PTK2: variants seen among roughly 807,000 people sequenced by gnomAD.
The protein encoded by PTK2 is focal adhesion kinase 1.
In PTK2, 45 loss-of-function variants were observed where a neutral mutation model predicts 150.1. That is an observed-to-expected ratio of 0.30 (90% CI 0.24 to 0.38). The LOEUF (loss-of-function observed/expected upper bound fraction) is 0.38. Ranked by LOEUF, PTK2 falls within the 10% of genes least tolerant of loss-of-function variation. The pLI, the probability that PTK2 is intolerant of heterozygous loss-of-function variation, is 1.00. For synonymous variants in PTK2, 432 were observed against 449.2 expected (o/e 0.96, Z 0.48); for missense variants, 919 against 1,307.3 (o/e 0.70, Z 4.58).
intron 5 of PTK2, among the ~76,000 whole-genome samples, chr8:140,863,631 C>G (rs1223594277): frequency 6.6e-6 from 1 of 152,178 alleles, no homozygotes; most frequent in African/African-American, 2.4e-5. Context: ...CATCTCAATA[C>G]CAAATCTATA....
chr8:140,701,433 ATTTT>A, intron 25 of PTK2, among the ~76,000 whole-genome samples: 1 of 152,086 alleles, frequency 6.6e-6, no homozygotes, highest in East Asian at 1.9e-4. Context: ...CAAATAAGTA[ATTTT>A]TTGTCTTTTT....
intron 10 of PTK2, among the ~76,000 whole-genome samples, chr8:140,812,621 C>A (rs1472434199): frequency 6.6e-6 from 1 of 152,190 alleles, no homozygotes. Context: ...CATTGGTATG[C>A]TGTCTTCAAA....
At chr8:140,802,462 T>C (rs1429315711) in intron 11 of PTK2, among the ~76,000 whole-genome samples, 1 of 152,200 alleles carries the variant, frequency 6.6e-6, no homozygotes, top group Admixed American at 6.5e-5. Flanking sequence ...AAAATCAGTT[T>C]ATAAAATATA....
intron 5 of PTK2, among the ~76,000 whole-genome samples, chr8:140,854,865 G>A (rs2100131566): frequency 6.6e-6 from 1 of 152,098 alleles, no homozygotes; most frequent in Non-Finnish European, 1.5e-5. Flanking sequence ...TAAAATTAGG[G>A]GAGTTTATTG....
At chr8:140,789,334 A>C in intron 14 of PTK2, 140 bp downstream of exon 14, 1 of 778,416 alleles carries the variant, frequency 1.3e-6, no homozygotes, top group Non-Finnish European at 1.9e-6. Flanking sequence ...AATGATGGTA[A>C]AATTATGCAA....
intron 10 of PTK2, among the ~76,000 whole-genome samples, chr8:140,813,169 C>A (rs1372196718): frequency 1.3e-5 from 2 of 152,162 alleles, no homozygotes; most frequent in African/African-American, 4.8e-5. Flanking sequence ...GAACTGAAAT[C>A]ATAATAACCA....
intron 1 of PTK2, among the ~76,000 whole-genome samples, chr8:140,949,722 G>C (rs989010002): frequency 2.0e-5 from 3 of 152,218 alleles, no homozygotes; most frequent in South Asian, 2.1e-4. Context: ...ACCTCGTCAT[G>C]AACAGCCTAG....
At chr8:140,743,681 A>T (rs537080002) in intron 19 of PTK2, among the ~76,000 whole-genome samples, 1 of 152,292 alleles carries the variant, frequency 6.6e-6, no homozygotes, top group South Asian at 2.1e-4. Flanking sequence ...TAACACTGCC[A>T]TTACTAAAGA....
chr8:140,675,048 A>G (rs1231627095), intron 28 of PTK2, among the ~76,000 whole-genome samples: 1 of 144,864 alleles, frequency 6.9e-6, no homozygotes, highest in Non-Finnish European at 1.5e-5. Context: ...CCTGGGTGAC[A>G]GAGTGAGACT....
intron 5 of PTK2, among the ~76,000 whole-genome samples, chr8:140,855,334 G>A (rs985470067): frequency 5.3e-5 from 8 of 152,064 alleles, no homozygotes; most frequent in African/African-American, 1.2e-4. Context: ...GGTGGCTCAC[G>A]TCAGTAATCC....
intron 21 of PTK2, among the ~76,000 whole-genome samples, chr8:140,738,406 A>G (rs1384011929): frequency 6.6e-6 from 1 of 152,190 alleles, no homozygotes; most frequent in Non-Finnish European, 1.5e-5. Flanking sequence ...AATAAGTAGC[A>G]AAGAATAAAT....
chr8:140,804,634 C>CA (rs1324961911), intron 10 of PTK2, among the ~76,000 whole-genome samples: 1 of 152,166 alleles, frequency 6.6e-6, no homozygotes, highest in African/African-American at 2.4e-5. Context: ...TACATTTCTT[C>CA]AAAACAATTT....
chr8:140,958,874 C>A (rs1187895274), intron 1 of PTK2, among the ~76,000 whole-genome samples: 5 of 152,146 alleles, frequency 3.3e-5, no homozygotes. Flanking sequence ...TTTATTTAAT[C>A]TTTTCATATC....
chr8:140,977,298 C>T (rs1325650552), intron 1 of PTK2, among the ~76,000 whole-genome samples: 1 of 152,118 alleles, frequency 6.6e-6, no homozygotes, highest in Non-Finnish European at 1.5e-5. Context: ...AAGGCTGAAG[C>T]AGGAGGATCG....
At chr8:140,669,650 C>T (rs769653549) in intron 29 of PTK2, 77 bp downstream of exon 33, 187 of 1,480,464 alleles carry the variant, frequency 1.3e-4, no homozygotes, top group Non-Finnish European at 1.6e-4. Context: ...TTCCTGCTTT[C>T]CAGTCCAAAG....
intron 14 of PTK2, among the ~76,000 whole-genome samples, chr8:140,767,376 GAGA>G (rs1426525742): frequency 2.0e-5 from 3 of 151,982 alleles, no homozygotes; most frequent in Admixed American, 2.0e-4. Flanking sequence ...AATGTGAATA[GAGA>G]ATTCATGGAG....
exon 29 of PTK2, chr8:140,674,360 C>A: frequency 6.2e-7 from 1 of 1,607,238 alleles, no homozygotes; most frequent in South Asian, 1.1e-5. Context: ...CCCAGATGAC[C>A]GGGAGCTCCA....
At chr8:140,786,569 T>A (rs1365749918) in intron 14 of PTK2, among the ~76,000 whole-genome samples, 2 of 152,098 alleles carry the variant, frequency 1.3e-5, no homozygotes, top group South Asian at 4.2e-4. Context: ...TAGAAACATA[T>A]CACACCATTG....
chr8:140,991,140 A>C (rs909274392), intron 1 of PTK2, among the ~76,000 whole-genome samples: 4 of 152,234 alleles, frequency 2.6e-5, no homozygotes, highest in Non-Finnish European at 4.4e-5. Flanking sequence ...TTTTCTTAGG[A>C]GAAAAGAGCA....
Sources: allele counts gnomAD v4.1 joint callset (sites outside exome capture counted in the v4.1 genomes callset), GRCh38; gene constraint gnomAD v4.1.1; transcripts MANE v1.5; gene names NCBI Gene and HGNC (gene_info 2026-07-23, HGNC 2026-07-21).